TEP1: variants seen among roughly 807,000 people sequenced by gnomAD.
TEP1 encodes the protein telomerase associated protein 1.
A neutral mutation model predicts 306.3 loss-of-function variants in TEP1; 241 were observed. The observed-to-expected ratio is 0.79, with a 90% CI of 0.71 to 0.88. The LOEUF is 0.88. Among genes scored for constraint, TEP1 ranks in the 40% least tolerant of loss-of-function variants. TEP1 has a pLI of 0.00. For synonymous variants in TEP1, 1,289 were observed against 1,305.5 expected, an observed-to-expected ratio of 0.99 and a Z score of 0.27; for missense variants, 3,051 against 3,276.1, an observed-to-expected ratio of 0.93 and a Z score of 1.68.
Position 20,397,878 on chromosome 14 carries a change from G to A in TEP1, c.1550-1148C>T, listed in dbSNP as rs939606714. ...AAGCAATTCTCCTGCCTCAGCCTCC[G>A]AGTAGCTGGGATTACAAGTGCTCAC... On this transcript the variant is annotated intron_variant, in intron 9 of 54. Transcript: ENST00000262715. Among the ~76,000 whole-genome samples, 13 of 151,804 alleles carry A rather than the reference G, an allele frequency of 8.6e-5. 1 individual carries two copies. Among genetic ancestry groups the A allele is most frequent in the Admixed American group, 7.2e-4 (11 of 15,244 alleles).
At chr14:20,368,990 G>A in intron 53 of TEP1, 88 bp from the exon 54 acceptor site, 1 of 886,286 alleles carries the variant, frequency 1.1e-6, no homozygotes, top group East Asian at 2.6e-5. Flanking sequence ...CAGACCTACA[G>A]CCCTCCTCCC....
chr14:20,369,785 A>G lies in TEP1; in HGVS notation c.7318-6T>C, dbSNP rs749984247. On this transcript the variant is annotated splice_region_variant and splice_polypyrimidine_tract_variant and intron_variant, in intron 51 of 54. Transcript: ENST00000262715. ...TCTCCTGATTCCTTTTGCCTCTGTG[A>G]AAGAATAGGTAATTTTGTTTAGCCT... 12 of 1,612,138 alleles carry G rather than the reference A, an allele frequency of 7.4e-6. No individual in the cohort carries two copies. The African/African-American group carries it at 1.5e-4, about 20-fold the overall frequency.
intron 33 of TEP1, 88 bp downstream of exon 33, chr14:20,380,843 C>T (rs1108614): frequency 3.5e-6 from 4 of 1,138,770 alleles, no homozygotes; most frequent in Non-Finnish European, 5.2e-6. Context: ...GACACCCACA[C>T]CCCTGCCCCA....
At chr14:20,382,142 C>T in intron 29 of TEP1, 79 bp from the exon 30 acceptor site, 1 of 1,611,488 alleles carries the variant, frequency 6.2e-7, no homozygotes, top group Non-Finnish European at 8.5e-7. Context: ...TCTCCTTGAA[C>T]TGCCTGCTGA....
Position 20,373,367 on chromosome 14 carries a change from G to A in TEP1, c.6717C>T (p.Gly2239=), listed in dbSNP as rs749529494. 7.4e-5 allele frequency: 120 copies of A among 1,614,108 alleles called. No individual in the cohort carries two copies. Among genetic ancestry groups the A allele is most frequent in the Non-Finnish European group, 9.7e-5 (114 of 1,180,060 alleles). The change falls in exon 47 of 55, where the codon GGC becomes GGT. Residue 2239 remains glycine (G), a synonymous_variant. Coordinates refer to ENST00000262715, the MANE Select transcript of TEP1 (RefSeq NM_007110.5). ...CQTHTLLGHS[G]PVRAAAVSET... The stretch of plus-strand genomic sequence containing the variant: ...CTGAAACAGCAGCAGCACGGACTGG[G>A]CCGCTGTGTCCCAGGAGGGTGTGGG...
chr14:20,396,000 G>A (rs771270391), intron 10 of TEP1, 51 bp from the exon 11 acceptor site: 3 of 1,379,296 alleles, frequency 2.2e-6, no homozygotes, highest in Non-Finnish European at 3.1e-6. Flanking sequence ...GGGAGTATGG[G>A]GGGCTTCAGG....
chr14:20,384,014 G>A (rs1278422672), intron 24 of TEP1, 24 bp downstream of exon 24: 3 of 1,589,248 alleles, frequency 1.9e-6, no homozygotes, highest in East Asian at 4.5e-5. Flanking sequence ...CCTCCCTCCT[G>A]CCCAGGCCCC....
intron 17 of TEP1, 125 bp downstream of exon 17, chr14:20,389,113 A>C (rs1594351284): frequency 1.2e-6 from 1 of 860,160 alleles, no homozygotes; most frequent in Non-Finnish European, 1.9e-6. Context: ...GTGCCACTGC[A>C]CTCCAGCCTG....
intron 1 of TEP1, among the ~76,000 whole-genome samples, chr14:20,411,876 G>T (rs1357912482): frequency 2.0e-5 from 3 of 152,018 alleles, no homozygotes; most frequent in Non-Finnish European, 4.4e-5. Context: ...ATTTTGGGAG[G>T]CTGAGGTGGG....
intron 9 of TEP1, 85 bp from the exon 10 acceptor site, chr14:20,396,815 A>C: frequency 2.2e-6 from 2 of 906,224 alleles, no homozygotes; most frequent in Non-Finnish European, 3.4e-6. Flanking sequence ...GCTACCAAGG[A>C]GGCTGAGACA....
intron 1 of TEP1, among the ~76,000 whole-genome samples, chr14:20,410,846 C>T (rs1313356984): frequency 2.5e-5 from 3 of 122,082 alleles, no homozygotes; most frequent in Non-Finnish European, 5.0e-5. Context: ...TTTTTTGAAA[C>T]GGAGTCTCAC....
At chr14:20,385,899 G>A (rs1427010081) in intron 20 of TEP1, among the ~76,000 whole-genome samples, 176 bp downstream of exon 20, 4 of 152,152 alleles carry the variant, frequency 2.6e-5, no homozygotes, top group African/African-American at 9.7e-5. Flanking sequence ...ACTTCTCAAA[G>A]GACTTTTCTC....
Position 20,367,608 on chromosome 14 carries a change from G to C in TEP1, c.*829C>G, listed in dbSNP as rs1047239784. 7 of 152,172 alleles carry C rather than the reference G, an allele frequency of 4.6e-5. No individual in the cohort carries two copies. The highest frequency in any genetic ancestry group is 1.0e-4 in the Non-Finnish European group (7 of 68,522). The allele number at this position is 152,172 out of a possible 1,614,324, so 9.4% of individuals were successfully genotyped here. Reference sequence around the variant, plus strand: ...GGCTTGGCTCCTCACCTCTCATCTGGGTAGTTCTTTTTTTTTTTTTTTAGA... The same window carrying C: ...GGCTTGGCTCCTCACCTCTCATCTGCGTAGTTCTTTTTTTTTTTTTTTAGA... On this transcript the variant is annotated 3_prime_UTR_variant, in exon 55 of 55. Coordinates refer to ENST00000262715, the MANE Select transcript of TEP1 (RefSeq NM_007110.5).
intron 49 of TEP1, 99 bp downstream of exon 49, chr14:20,372,634 A>G (rs1884915477): frequency 6.5e-7 from 1 of 1,548,648 alleles, no homozygotes; most frequent in Non-Finnish European, 8.9e-7. Flanking sequence ...CTAACATCCA[A>G]TTGACCTAGT....
chr14:20,386,726 C>A, intron 18 of TEP1, 103 bp from the exon 19 acceptor site: 1 of 1,274,274 alleles, frequency 7.8e-7, no homozygotes, highest in Non-Finnish European at 1.0e-6. Flanking sequence ...AAGCCAGGTA[C>A]GACAGACAGC....
intron 2 of TEP1, among the ~76,000 whole-genome samples, chr14:20,407,612 A>AT (rs1374466336): frequency 2.0e-5 from 3 of 152,238 alleles, no homozygotes; most frequent in Non-Finnish European, 4.4e-5. Context: ...AAGTGCTGGG[A>AT]TTACAGGCAT....
intron 17 of TEP1, among the ~76,000 whole-genome samples, chr14:20,388,877 C>T (rs769286879): frequency 3.9e-5 from 6 of 152,088 alleles, no homozygotes; most frequent in East Asian, 1.9e-4. Flanking sequence ...GAGCCGGGTG[C>T]GGTGGCTCAC....
chr14:20,406,613 C>T (rs1257825319), intron 2 of TEP1, among the ~76,000 whole-genome samples: 1 of 152,210 alleles, frequency 6.6e-6, no homozygotes. Context: ...TCAGAGCCTT[C>T]GCCCACATGC....
intron 7 of TEP1, among the ~76,000 whole-genome samples, chr14:20,402,517 T>C (rs1451809555): frequency 2.6e-5 from 4 of 152,202 alleles, no homozygotes; most frequent in Non-Finnish European, 4.4e-5. Flanking sequence ...CTTATTTACT[T>C]CCAGGAATTG....
Sources: gnomAD v4.1 joint callset for allele counts (sites outside exome capture counted in the v4.1 genomes callset) on GRCh38, gnomAD v4.1.1 for gene constraint, MANE v1.5 for transcripts, NCBI Gene and HGNC (gene_info 2026-07-23, HGNC 2026-07-21) for gene names.